The following TCF7L2 variants were observed in gnomAD, a reference collection of about 807,000 sequenced individuals.
TCF7L2 encodes the protein transcription factor 7 like 2.
In TCF7L2, 23 loss-of-function variants were observed where a neutral mutation model predicts 77.9. That is an observed-to-expected ratio of 0.30 (90% confidence interval 0.21 to 0.42). The LOEUF (loss-of-function observed/expected upper bound fraction) is 0.42. Among genes scored for constraint, TCF7L2 ranks in the 10% least tolerant of loss-of-function variants. The pLI is 1.00. For missense variants in TCF7L2, 654 were observed against 793.1 expected, an observed-to-expected ratio of 0.82 and a Z score of 2.11; for synonymous variants, 413 against 340.2, an observed-to-expected ratio of 1.21 and a Z score of -2.36.
intron 7 of TCF7L2, 83 bp downstream of exon 7, chr10:113,144,108 G>A (rs1015604301): frequency 2.7e-6 from 1 of 364,820 alleles, no homozygotes; most frequent in Non-Finnish European, 4.1e-6. Context: ...GTCTGTGTGT[G>A]TGTGTGTGTG....
chr10:112,951,066 G>T (rs1016212216), intron 1 of TCF7L2, 121 bp downstream of exon 1: 111 of 1,361,936 alleles, frequency 8.2e-5, no homozygotes, highest in Admixed American at 2.8e-4. Context: ...CGGCGTGTGC[G>T]TACGGTGCCA....
intron 4 of TCF7L2, among the ~76,000 whole-genome samples, chr10:113,003,760 C>T (rs1047408328): frequency 6.6e-6 from 1 of 152,258 alleles, no homozygotes; most frequent in East Asian, 1.9e-4. Flanking sequence ...CCACAGGCAG[C>T]GAGTATCAAT....
intron 4 of TCF7L2, among the ~76,000 whole-genome samples, chr10:112,967,924 C>A (rs754535881): frequency 2.6e-5 from 4 of 152,086 alleles, no homozygotes; most frequent in African/African-American, 4.8e-5. Flanking sequence ...CGTGAGCCAC[C>A]GCTCCTGGCC....
intron 5 of TCF7L2, among the ~76,000 whole-genome samples, chr10:113,103,730 G>A (rs2061938318): frequency 6.6e-6 from 1 of 152,188 alleles, no homozygotes; most frequent in African/African-American, 2.4e-5. Flanking sequence ...GCGAGTGGGT[G>A]TGAGTACTGA....
At chr10:113,068,921 A>G (rs542498548) in intron 5 of TCF7L2, among the ~76,000 whole-genome samples, 20 of 148,390 alleles carry the variant, frequency 1.3e-4, no homozygotes, top group African/African-American at 4.7e-4. Flanking sequence ...TTAATTTCCC[A>G]ATTAAAACAA....
intron 5 of TCF7L2, among the ~76,000 whole-genome samples, chr10:113,062,342 C>A (rs1016472484): frequency 6.6e-6 from 1 of 152,162 alleles, no homozygotes; most frequent in Non-Finnish European, 1.5e-5. Context: ...CTGCTTAGTT[C>A]TTGTCTCTTG....
chr10:113,085,659 C>T (rs2059763757), intron 5 of TCF7L2, among the ~76,000 whole-genome samples: 1 of 152,174 alleles, frequency 6.6e-6, no homozygotes, highest in African/African-American at 2.4e-5. Context: ...TCTTGATCCA[C>T]GTGGCTGTGT....
At chr10:113,120,632 G>C (rs1391773111) in intron 5 of TCF7L2, among the ~76,000 whole-genome samples, 1 of 152,162 alleles carries the variant, frequency 6.6e-6, no homozygotes, top group African/African-American at 2.4e-5. Flanking sequence ...AATGTCTTCT[G>C]TTTTCAAGGG....
chr10:113,057,476 C>T (rs1455323153), intron 5 of TCF7L2, among the ~76,000 whole-genome samples: 1 of 152,064 alleles, frequency 6.6e-6, no homozygotes, highest in Non-Finnish European at 1.5e-5. Flanking sequence ...TGGCCCCAGG[C>T]AATAATATAC....
chr10:113,101,483 C>T (rs997305796), intron 5 of TCF7L2, among the ~76,000 whole-genome samples: 2 of 151,846 alleles, frequency 1.3e-5, no homozygotes, highest in African/African-American at 4.8e-5. Flanking sequence ...TTCGAGGCTG[C>T]AGTGAGCTCT....
intron 3 of TCF7L2, 122 bp downstream of exon 3, chr10:112,951,729 T>A: frequency 4.0e-6 from 1 of 248,940 alleles, no homozygotes; most frequent in Non-Finnish European, 5.3e-6. Flanking sequence ...CTCCCCTCCC[T>A]CCCTCCCCTC....
chr10:113,026,591 CT>C (rs2049224441), intron 4 of TCF7L2, among the ~76,000 whole-genome samples: 1 of 152,028 alleles, frequency 6.6e-6, no homozygotes, highest in African/African-American at 2.4e-5. Flanking sequence ...AGAGACATTC[CT>C]TAGTTCTTAT....
intron 5 of TCF7L2, among the ~76,000 whole-genome samples, chr10:113,099,866 C>T (rs1301319732): frequency 2.0e-5 from 3 of 151,528 alleles, no homozygotes; most frequent in East Asian, 3.9e-4. Flanking sequence ...AGGGGAGGGG[C>T]GGGGAGGTGG....
At chr10:113,146,152 G>A in intron 8 of TCF7L2, 55 bp downstream of exon 8, 1 of 1,561,256 alleles carries the variant, frequency 6.4e-7, no homozygotes, top group Non-Finnish European at 8.8e-7. Flanking sequence ...TTCTCAAGAA[G>A]TTCTCTAGAT....
At chr10:113,002,963 T>A (rs985078556) in intron 4 of TCF7L2, among the ~76,000 whole-genome samples, 1 of 152,214 alleles carries the variant, frequency 6.6e-6, no homozygotes, top group Non-Finnish European at 1.5e-5. Flanking sequence ...TGTGCATGGA[T>A]ATGTGTGCGT....
intron 5 of TCF7L2, among the ~76,000 whole-genome samples, chr10:113,055,957 AT>A: frequency 6.6e-6 from 1 of 152,212 alleles, no homozygotes; most frequent in East Asian, 1.9e-4. Flanking sequence ...CAAGGGGTTG[AT>A]TTGTAAACTA....
At chr10:113,087,883 G>A (rs541797852) in intron 5 of TCF7L2, among the ~76,000 whole-genome samples, 1 of 152,290 alleles carries the variant, frequency 6.6e-6, no homozygotes, top group Non-Finnish European at 1.5e-5. Flanking sequence ...ATATACTATG[G>A]TAACCATGTA....
At chr10:113,119,728 T>TA (rs2064459507) in intron 5 of TCF7L2, among the ~76,000 whole-genome samples, 2 of 152,128 alleles carry the variant, frequency 1.3e-5, no homozygotes, top group Admixed American at 1.3e-4. Context: ...ATTTTCCAGT[T>TA]ATGTGGCAAA....
intron 12 of TCF7L2, among the ~76,000 whole-genome samples, chr10:113,158,933 C>T (rs1234182958): frequency 6.8e-6 from 1 of 147,376 alleles, no homozygotes; most frequent in Admixed American, 6.7e-5. Flanking sequence ...TTATTTTTCC[C>T]ATAACAGTTG....
Sources: gnomAD v4.1 joint callset for allele counts (sites outside exome capture counted in the v4.1 genomes callset) on GRCh38, gnomAD v4.1.1 for gene constraint, MANE v1.5 for transcripts, NCBI Gene and HGNC (gene_info 2026-07-23, HGNC 2026-07-21) for gene names.